Variants in MACROH2A1 observed in about 807,000 individuals in gnomAD.
The protein encoded by MACROH2A1 is core histone macro-H2A.1.
A neutral mutation model predicts 31.6 loss-of-function variants in MACROH2A1; 2 were observed. The ratio of observed to expected loss-of-function variants is 0.06; its 90% CI spans 0.03 to 0.20. The LOEUF (loss-of-function observed/expected upper bound fraction) is 0.20, where lower values mean the gene tolerates loss of function less well. MACROH2A1 is among the 10% of genes least tolerant of loss of function. The pLI, the probability that MACROH2A1 is intolerant of heterozygous loss-of-function variation, is 1.00. For synonymous variants in MACROH2A1, 169 were observed against 189.6 expected (o/e 0.89, Z 0.89); for missense variants, 230 against 474.0 (o/e 0.49, Z 4.78).
chr5:135,355,659 C>T (rs1373615496), intron 5 of MACROH2A1: 2 of 206,502 alleles, frequency 9.7e-6, no homozygotes, highest in South Asian at 8.4e-5. Context: ...GGGTAATCAG[C>T]TTGGCAGGTG....
intron 5 of MACROH2A1, chr5:135,356,620 TG>T (rs761319481): frequency 2.0e-5 from 3 of 152,146 alleles, no homozygotes; most frequent in African/African-American, 4.8e-5. Flanking sequence ...GGGCCTGGCT[TG>T]TATCTGAGGT....
chr5:135,399,449 C>T (rs1181353099), upstream of MACROH2A1: 1 of 152,324 alleles, frequency 6.6e-6, no homozygotes, highest in African/African-American at 2.4e-5. This position sits in a 1 kb window ranked among gnomAD's most constrained non-coding sequence, Gnocchi z 4.5. Context: ...ACGCCCAGAG[C>T]CCAGTCCTTG....
chr5:135,359,170 G>A (rs1201239491), intron 5 of MACROH2A1: 1 of 985,404 alleles, frequency 1.0e-6, no homozygotes, highest in African/African-American at 1.7e-5. Context: ...AAGAACATAG[G>A]CAGGGGAGAG....
chr5:135,376,900 T>C (rs1764954635), intron 2 of MACROH2A1, among the ~76,000 whole-genome samples: 1 of 152,210 alleles, frequency 6.6e-6, no homozygotes, highest in South Asian at 2.1e-4. Flanking sequence ...CCTCTATCTA[T>C]AACTGGATGA....
chr5:135,369,303 C>A lies in MACROH2A1; in HGVS notation c.477+103G>T. ...ACATGTTCCTCCTTTATTCTCCCAT[C>A]AGTGGGATGAGCCCACAGGGGGAAT... On this transcript the variant is annotated intron_variant, in intron 4 of 8. Coordinates refer to ENST00000511689, the MANE Select transcript of MACROH2A1 (RefSeq NM_138610.3). This position sits in a 1 kb window ranked among gnomAD's most constrained non-coding sequence, Gnocchi z 4.3. 1.1e-6 allele frequency: 1 copy of A among 907,212 alleles called. No individual in the cohort carries two copies. Among genetic ancestry groups the A allele is most frequent in the South Asian group, 1.5e-5 (1 of 68,766 alleles). The allele number at this position is 907,212 out of a possible 1,614,324, so 56.2% of individuals were successfully genotyped here.
At position 135,398,147 on chromosome 5, in the gene MACROH2A1, C is replaced by A. The variant is rs1313461338; in HGVS notation, c.-34+915G>T. 2.0e-5 allele frequency among the ~76,000 whole-genome samples: 3 copies of A among 152,292 alleles called. No homozygotes were observed. Among genetic ancestry groups the A allele is most frequent in the Non-Finnish European group, 4.4e-5 (3 of 68,028 alleles). Reference sequence around the variant, plus strand: ...TCCCCTAACATCTTGTCTAAAAGAACCTTTCAAGCAATGTACTGACCAACT... The same window carrying A: ...TCCCCTAACATCTTGTCTAAAAGAAACTTTCAAGCAATGTACTGACCAACT... On this transcript the variant is annotated intron_variant, in intron 1 of 8. Coordinates refer to ENST00000511689, the MANE Select transcript of MACROH2A1 (RefSeq NM_138610.3). This position sits in a 1 kb window ranked among gnomAD's most constrained non-coding sequence, Gnocchi z 4.6.
chr5:135,335,325 G>A (rs1456607023), intron 8 of MACROH2A1, among the ~76,000 whole-genome samples, 184 bp from the exon 9 acceptor site: 1 of 152,228 alleles, frequency 6.6e-6, no homozygotes, highest in African/African-American at 2.4e-5. Flanking sequence ...TGGGATGGGG[G>A]ACAGACAACT....
chr5:135,399,043 G>C lies in MACROH2A1; in HGVS notation c.-34+19C>G, dbSNP rs969753145. 1.3e-5 allele frequency: 2 copies of C among 150,500 alleles called. No homozygotes were observed. The highest frequency in any genetic ancestry group is 3.0e-5 in the Non-Finnish European group (2 of 67,444). The allele number at this position is 150,500 out of a possible 1,614,324, so 9.3% of individuals were successfully genotyped here. On this transcript the variant is annotated intron_variant, in intron 1 of 8. Transcript: ENST00000511689. This position sits in a 1 kb window ranked among gnomAD's most constrained non-coding sequence, Gnocchi z 4.5. Reference sequence around the variant, plus strand: ...GGCGGGGACAGGGAGTGCGGCAAGGGGGCCCGCGCGGCACTTACGCGGCGG... The same window carrying C: ...GGCGGGGACAGGGAGTGCGGCAAGGCGGCCCGCGCGGCACTTACGCGGCGG...
intron 8 of MACROH2A1, among the ~76,000 whole-genome samples, chr5:135,336,178 C>T (rs1758623455): frequency 6.6e-6 from 1 of 152,200 alleles, no homozygotes; most frequent in Admixed American, 6.5e-5. Context: ...GAGGGGTTTC[C>T]AGAGGTGGTA....
Position 135,353,103 on chromosome 5 carries a change from G to C in MACROH2A1, c.589-58C>G, listed in dbSNP as rs749072441. ...GGAGAGCTGGGAAGTCTCAGAGAAG[G>C]AGCCTTGGGATACAGGTAAAGGACA... On this transcript the variant is annotated intron_variant, in intron 5 of 8. Coordinates refer to ENST00000511689, the MANE Select transcript of MACROH2A1 (RefSeq NM_138610.3). 6 of 1,083,056 alleles carry C rather than the reference G, an allele frequency of 5.5e-6. No homozygotes were observed. The East Asian group carries it at 9.4e-5, about 17-fold the overall frequency. 67.1% of individuals were successfully genotyped at this position (1,083,056 alleles called of 1,614,324 possible). A position where few individuals can be genotyped will look rare whatever the true frequency, so the allele number is the denominator to read the frequency against.
At chr5:135,367,699 A>T (rs1355345566) in intron 4 of MACROH2A1, among the ~76,000 whole-genome samples, 1 of 152,220 alleles carries the variant, frequency 6.6e-6, no homozygotes, top group Non-Finnish European at 1.5e-5. Context: ...AGCCAGGGCA[A>T]AGGCTAAGCT....
At chr5:135,373,321 CCT>C (rs1189501428) in intron 2 of MACROH2A1, among the ~76,000 whole-genome samples, 2 of 151,952 alleles carry the variant, frequency 1.3e-5, no homozygotes, top group African/African-American at 2.4e-5. Context: ...TGGTTGGGCC[CCT>C]GACTTGGGTG....
At chr5:135,379,395 G>T (rs1003359380) in intron 2 of MACROH2A1, among the ~76,000 whole-genome samples, 1 of 152,156 alleles carries the variant, frequency 6.6e-6, no homozygotes, top group Non-Finnish European at 1.5e-5. Context: ...AGGGATCCAG[G>T]GTCAGAGAGT....
At chr5:135,355,549 C>G (rs148446886) in intron 5 of MACROH2A1, 37 of 242,500 alleles carry the variant, frequency 1.5e-4, no homozygotes, top group Non-Finnish European at 1.9e-4. Flanking sequence ...TATTTTTAAA[C>G]AATCTTGACT....
At chr5:135,399,562 C>G (rs980336286), upstream of MACROH2A1, 1 of 152,236 alleles carries the variant, frequency 6.6e-6, no homozygotes, top group Non-Finnish European at 1.5e-5. The surrounding 1 kb of genome is among the most constrained non-coding windows in gnomAD (Gnocchi z 4.5). Context: ...ACGGGACTGT[C>G]GCTGCCACGG....
At position 135,369,464 on chromosome 5, in the gene MACROH2A1, G is replaced by GA; in HGVS notation, c.418dup (p.Ser140PhefsTer8). On this transcript the variant is annotated frameshift_variant, in exon 4 of 9. Coordinates refer to ENST00000511689, the MANE Select transcript of MACROH2A1 (RefSeq NM_138610.3). LOFTEE classifies it high-confidence loss of function. This position sits in a 1 kb window ranked among gnomAD's most constrained non-coding sequence, Gnocchi z 4.3. ...TTTTTTAGATACAGGCTTCTTCTGG[G>GA]ATGGAGACTTGGCCTTTTTGGCTGG... 6.2e-7 allele frequency: 1 copy of GA among 1,614,216 alleles called. No individual in the cohort carries two copies. The highest frequency in any genetic ancestry group is 8.5e-7 in the Non-Finnish European group (1 of 1,180,036).
chr5:135,366,231 G>A (rs765507866), intron 4 of MACROH2A1, among the ~76,000 whole-genome samples: 3 of 152,128 alleles, frequency 2.0e-5, no homozygotes, highest in Non-Finnish European at 2.9e-5. Flanking sequence ...TCACAGCAGC[G>A]TAAGAATGGA....
intron 2 of MACROH2A1, among the ~76,000 whole-genome samples, chr5:135,373,028 C>T (rs1307939960): frequency 6.6e-6 from 1 of 152,210 alleles, no homozygotes; most frequent in Non-Finnish European, 1.5e-5. Flanking sequence ...GGAAGGGAGG[C>T]AGAAGGAGAA....
chr5:135,339,057 G>A (rs572251699), intron 8 of MACROH2A1, among the ~76,000 whole-genome samples: 1 of 152,280 alleles, frequency 6.6e-6, no homozygotes, highest in South Asian at 2.1e-4. Context: ...CCCCTGACCT[G>A]GCCTGTGGGT....
Sources: allele counts gnomAD v4.1 joint callset (sites outside exome capture counted in the v4.1 genomes callset), GRCh38; gene constraint gnomAD v4.1.1; non-coding constraint Gnocchi (gnomAD v3.1); transcripts MANE v1.5; gene names NCBI Gene and HGNC (gene_info 2026-07-23, HGNC 2026-07-21).